The following PARD3B variants were observed in gnomAD, a reference collection of about 807,000 sequenced individuals.
The protein encoded by PARD3B is par-3 family cell polarity regulator beta, also known as partitioning defective 3 homolog B.
A neutral mutation model predicts 130.2 loss-of-function variants in PARD3B; 103 were observed. That is an observed-to-expected ratio of 0.79 (90% CI 0.67 to 0.93). PARD3B has a LOEUF of 0.93. PARD3B is among the 40% of genes least tolerant of loss of function. The pLI, the probability that PARD3B is intolerant of heterozygous loss-of-function variation, is 0.00. For missense variants in PARD3B, 1,609 were observed against 1,499.2 expected (o/e 1.07, Z -1.21); for synonymous variants, 583 against 553.2 (o/e 1.05, Z -0.76).
At chr2:205,354,026 C>CT (rs869308018) in intron 18 of PARD3B, among the ~76,000 whole-genome samples, 2,761 of 50,266 alleles carry the variant, frequency 0.055, 97 homozygotes, top group African/African-American at 0.12. Flanking sequence ...TTTTCTTTTC[C>CT]TTTTTTTTTT....
intron 14 of PARD3B, among the ~76,000 whole-genome samples, chr2:205,191,624 A>G (rs1439021467): frequency 1.3e-5 from 2 of 152,228 alleles, no homozygotes; most frequent in East Asian, 1.9e-4. Flanking sequence ...TCTATAGCAC[A>G]TACTCTGTAC....
chr2:205,588,528 T>TG (rs1169562899), intron 22 of PARD3B, among the ~76,000 whole-genome samples: 1 of 152,072 alleles, frequency 6.6e-6, no homozygotes, highest in East Asian at 1.9e-4. Context: ...TGCATGTGTG[T>TG]GTGCGTGTGC....
chr2:204,634,024 C>G (rs2034786072), intron 1 of PARD3B, among the ~76,000 whole-genome samples: 1 of 152,068 alleles, frequency 6.6e-6, no homozygotes, highest in African/African-American at 2.4e-5. Flanking sequence ...TTTAAATGTA[C>G]AGCTATTATT....
Position 205,124,258 on chromosome 2 carries a change from A to T in PARD3B, c.1166-69A>T, listed in dbSNP as rs2031108273. ...TATTAGTCTAAATTAGGTAGATCTTACTGTAAGACTGAATATAATATTACT... is the reference window on the plus strand; with the variant it reads ...TATTAGTCTAAATTAGGTAGATCTTTCTGTAAGACTGAATATAATATTACT... On this transcript the variant is annotated intron_variant, in intron 8 of 22. Coordinates refer to ENST00000406610, the MANE Select transcript of PARD3B (RefSeq NM_001302769.2). 8 of 1,219,898 alleles carry T rather than the reference A, an allele frequency of 6.6e-6. No homozygotes were observed. The East Asian group carries it at 2.2e-4, about 34-fold the overall frequency. 75.6% of individuals were successfully genotyped at this position (1,219,898 alleles called of 1,614,324 possible). A position where few individuals can be genotyped will look rare whatever the true frequency, so the allele number is the denominator to read the frequency against.
intron 18 of PARD3B, among the ~76,000 whole-genome samples, chr2:205,374,692 A>G (rs1052335989): frequency 1.3e-5 from 2 of 152,316 alleles, no homozygotes; most frequent in South Asian, 2.1e-4. Flanking sequence ...TCACTGCTGC[A>G]TAATACTCCA....
rs2043505650 is a variant in PARD3B at position 205,341,030 on chromosome 2, C to G, written c.2630+39329C>G. ...TACTAATCATCAGGGAAATACAAAC[C>G]AAAACCACAGTGAGATTTCATCTTA... On this transcript the variant is annotated intron_variant, in intron 18 of 22. Transcript: ENST00000406610. This position sits in a 1 kb window ranked among gnomAD's most constrained non-coding sequence, Gnocchi z 4.3. Among the ~76,000 whole-genome samples the G allele has an allele frequency of 1.3e-5, 2 of 151,786 alleles. No individual in the cohort carries two copies. The highest frequency in any genetic ancestry group is 4.8e-5 in the African/African-American group (2 of 41,306).
chr2:204,585,871 C>T (rs1220041641), intron 1 of PARD3B, among the ~76,000 whole-genome samples: 1 of 152,038 alleles, frequency 6.6e-6, no homozygotes, highest in Non-Finnish European at 1.5e-5. Context: ...AACATTTGTT[C>T]CTTTGAAGAC....
At chr2:205,214,023 T>G (rs1318448695) in intron 15 of PARD3B, among the ~76,000 whole-genome samples, 1 of 152,080 alleles carries the variant, frequency 6.6e-6, no homozygotes, top group Non-Finnish European at 1.5e-5. Flanking sequence ...CCTCCTAGTC[T>G]TCTGTTCATT....
In PARD3B at chr2:205,421,136, C is replaced by CAAA. The variant is rs11390906; in HGVS notation, c.2742-19228_2742-19226dup. ...CAGAGCAAGACTCCATCTCAAAAAA[C>CAAA]AAAAAAAACAAAACAAAAAAAACGG... On this transcript the variant is annotated intron_variant, in intron 19 of 22. Coordinates refer to ENST00000406610, the MANE Select transcript of PARD3B (RefSeq NM_001302769.2). This position sits in a 1 kb window ranked among gnomAD's most constrained non-coding sequence, Gnocchi z 5.1. Among the ~76,000 whole-genome samples the CAAA allele has an allele frequency of 1.3e-5, 2 of 150,916 alleles. No homozygotes were observed. The highest frequency in any genetic ancestry group is 4.9e-5 in the African/African-American group (2 of 40,992).
chr2:205,402,823 G>C (rs1310840287), intron 19 of PARD3B, among the ~76,000 whole-genome samples: 1 of 152,202 alleles, frequency 6.6e-6, no homozygotes, highest in Non-Finnish European at 1.5e-5. Context: ...AAACACATCT[G>C]ATAGGGGTTT....
intron 21 of PARD3B, among the ~76,000 whole-genome samples, chr2:205,538,321 A>T (rs1481304534): frequency 6.6e-6 from 1 of 152,228 alleles, no homozygotes; most frequent in Non-Finnish European, 1.5e-5. Flanking sequence ...CAACGTAAGG[A>T]AATGTGAGAG....
At chr2:205,400,989 G>A (rs773335940) in intron 18 of PARD3B, 24 bp from the exon 19 acceptor site, 2 of 1,525,308 alleles carry the variant, frequency 1.3e-6, no homozygotes, top group East Asian at 4.6e-5. Flanking sequence ...ATTGTTAACA[G>A]CCTTCTCCTT....
Position 205,562,641 on chromosome 2 carries a change from T to C in PARD3B, c.3260+9238T>C, listed in dbSNP as rs891267993. ...CTTCTCCAGCCAAAAGAAAAGAAGG[T>C]TGTTTTGTGCCTAGGCATCTGCTTA... On this transcript the variant is annotated intron_variant, in intron 22 of 22. Coordinates refer to ENST00000406610, the MANE Select transcript of PARD3B (RefSeq NM_001302769.2). The surrounding 1 kb of genome is among the most constrained non-coding windows in gnomAD (Gnocchi z 5.4). Among the ~76,000 whole-genome samples, 10 of 152,144 alleles carry C rather than the reference T, an allele frequency of 6.6e-5. No homozygotes were observed. The highest frequency in any genetic ancestry group is 5.9e-4 in the Admixed American group (9 of 15,268).
intron 18 of PARD3B, among the ~76,000 whole-genome samples, chr2:205,387,844 G>A (rs779716326): frequency 3.3e-5 from 5 of 152,158 alleles, no homozygotes; most frequent in South Asian, 2.1e-4. Context: ...TCTGAGTGAC[G>A]CTGCTGGTGT....
chr2:205,178,231 A>AGGG (rs1423917565), intron 13 of PARD3B, among the ~76,000 whole-genome samples: 20 of 136,490 alleles, frequency 1.5e-4, no homozygotes, highest in South Asian at 2.3e-4. Flanking sequence ...TGGGGGGGGA[A>AGGG]AAAAAAAAGA....
intron 15 of PARD3B, among the ~76,000 whole-genome samples, chr2:205,226,162 C>T (rs952430156): frequency 1.3e-5 from 2 of 152,216 alleles, no homozygotes; most frequent in Non-Finnish European, 2.9e-5. Flanking sequence ...CTGCCTCAGC[C>T]TCCCGAGTAG....
At chr2:205,596,897 A>T (rs1451590363) in intron 22 of PARD3B, among the ~76,000 whole-genome samples, 1 of 152,122 alleles carries the variant, frequency 6.6e-6, no homozygotes, top group African/African-American at 2.4e-5. Flanking sequence ...CATGGAGATG[A>T]GATAGTCAGA....
intron 3 of PARD3B, among the ~76,000 whole-genome samples, chr2:204,998,316 A>ATATG (rs1553586481): frequency 9.2e-5 from 2 of 21,694 alleles, no homozygotes; most frequent in African/African-American, 4.4e-4. Flanking sequence ...CTTAAAGTAT[A>ATATG]TATATATATA....
At chr2:205,025,277 G>A (rs1016444259) in intron 3 of PARD3B, among the ~76,000 whole-genome samples, 1 of 152,086 alleles carries the variant, frequency 6.6e-6, no homozygotes, top group African/African-American at 2.4e-5. Context: ...TCATAATCAG[G>A]GTGATTCACA....
Sources: gnomAD v4.1 joint callset for allele counts (sites outside exome capture counted in the v4.1 genomes callset) on GRCh38, gnomAD v4.1.1 for gene constraint, Gnocchi (gnomAD v3.1) non-coding constraint, MANE v1.5 for transcripts, NCBI Gene and HGNC (gene_info 2026-07-23, HGNC 2026-07-21) for gene names.